PPP1CC: variants seen among roughly 807,000 people sequenced by gnomAD.
The protein encoded by PPP1CC is serine/threonine-protein phosphatase PP1-gamma catalytic subunit.
PPP1CC carries 16 observed loss-of-function variants against 38.4 expected under a neutral mutation model. That is an observed-to-expected ratio of 0.42 (90% confidence interval 0.28 to 0.63). The LOEUF is 0.63. Among genes scored for constraint, PPP1CC ranks in the 30% least tolerant of loss-of-function variants. The pLI is 0.25. For synonymous variants in PPP1CC, 158 were observed against 136.0 expected (o/e 1.16, Z -1.13); for missense variants, 170 against 391.3 (o/e 0.43, Z 4.77).
At position 110,720,100 on chromosome 12, in the gene PPP1CC, A is replaced by T. The variant is rs949389262; in HGVS notation, c.*976T>A. 33 of 1,522,294 alleles carry T rather than the reference A, an allele frequency of 2.2e-5. No homozygotes were observed. Among genetic ancestry groups the T allele is most frequent in the Non-Finnish European group, 2.8e-5 (32 of 1,133,772 alleles). The allele number at this position is 1,522,294 out of a possible 1,614,324, so 94.3% of individuals were successfully genotyped here. A position where few individuals can be genotyped will look rare whatever the true frequency, so the allele number is the denominator to read the frequency against. On this transcript the variant is annotated 3_prime_UTR_variant, in exon 7 of 7. Coordinates refer to ENST00000335007, the MANE Select transcript of PPP1CC (RefSeq NM_002710.4). ...CTTATAAGCCTCAACTTCACCGCAG[A>T]ATAAAGAATGTAGGCCAAAGAAAGC...
At position 110,731,821 on chromosome 12, in the gene PPP1CC, A is replaced by T; in HGVS notation, c.136T>A (p.Phe46Ile). Residue 46 changes from phenylalanine to isoleucine, a missense_variant, in exon 2 of 7, where the codon TTT becomes ATT. Transcript: ENST00000335007. ...TCTAGTAGGATAGGCTGACTGAGAAAGATTTCACGAGACTTTAAGCACAGT... is the reference window on the plus strand; with the variant it reads ...TCTAGTAGGATAGGCTGACTGAGAATGATTTCACGAGACTTTAAGCACAGT... ...RGLCLKSREI[F>I]LSQPILLELE... 6.2e-7 allele frequency: 1 copy of T among 1,613,666 alleles called. No individual in the cohort carries two copies. Among genetic ancestry groups the T allele is most frequent in the Non-Finnish European group, 8.5e-7 (1 of 1,179,602 alleles).
intron 6 of PPP1CC, chr12:110,721,754 A>G: frequency 3.9e-6 from 1 of 257,730 alleles, no homozygotes; most frequent in Non-Finnish European, 7.3e-6. Context: ...AGTTTTGTGG[A>G]AGTTAGACTA....
intron 3 of PPP1CC, among the ~76,000 whole-genome samples, chr12:110,729,160 T>G (rs1012394633): frequency 1.3e-5 from 2 of 151,282 alleles, no homozygotes; most frequent in African/African-American, 4.9e-5. Flanking sequence ...TTTTCTGACT[T>G]GAAACCCTTT....
the PPP1CC span, among the ~76,000 whole-genome samples, chr12:110,710,063 C>G: frequency 6.6e-6 from 1 of 151,000 alleles, no homozygotes; most frequent in Non-Finnish European, 1.5e-5. Context: ...TTAAGCACAA[C>G]TGAAGAAAAA....
rs768844199 is a variant in PPP1CC at position 110,719,738 on chromosome 12, A to G, written c.*1338T>C. 38 of 180,190 alleles carry G rather than the reference A, an allele frequency of 2.1e-4. No individual in the cohort carries two copies. The Middle Eastern group carries it at 0.01, about 48-fold the overall frequency. The allele number at this position is 180,190 out of a possible 1,614,324, so 11.2% of individuals were successfully genotyped here. A position where few individuals can be genotyped will look rare whatever the true frequency, so the allele number is the denominator to read the frequency against. ...GTCTCCAGGTTACAACTCAAAGAGTATTAGTATCTGTATTATAATCCATCT... is the reference window on the plus strand; with the variant it reads ...GTCTCCAGGTTACAACTCAAAGAGTGTTAGTATCTGTATTATAATCCATCT... On this transcript the variant is annotated 3_prime_UTR_variant, in exon 7 of 7. Coordinates refer to ENST00000335007, the MANE Select transcript of PPP1CC (RefSeq NM_002710.4).
chr12:110,712,092 A>C, the PPP1CC span, among the ~76,000 whole-genome samples: 4 of 152,230 alleles, frequency 2.6e-5, no homozygotes, highest in South Asian at 8.3e-4. Context: ...TAGATACAGA[A>C]ATACTTACCA....
At chr12:110,724,859 G>A (rs1354789304) in intron 3 of PPP1CC, 95 bp from the exon 4 acceptor site, 2 of 656,304 alleles carry the variant, frequency 3.0e-6, no homozygotes, top group African/African-American at 3.7e-5. Context: ...GCAAGATTCT[G>A]GGTGCCTTTT....
chr12:110,710,642 CAGG>C, the PPP1CC span, among the ~76,000 whole-genome samples: 1 of 144,454 alleles, frequency 6.9e-6, no homozygotes, highest in East Asian at 2.0e-4. Flanking sequence ...GGCATGAACC[CAGG>C]GGGCAGAGCT....
chr12:110,734,396 T>G (rs541165148), intron 1 of PPP1CC, among the ~76,000 whole-genome samples: 57 of 152,280 alleles, frequency 3.7e-4, no homozygotes, highest in Non-Finnish European at 7.1e-4. Context: ...CAGGCTGGAG[T>G]GCAATGGCAC....
intron 1 of PPP1CC, among the ~76,000 whole-genome samples, chr12:110,742,328 C>A (rs958964548): frequency 6.6e-6 from 1 of 152,152 alleles, no homozygotes; most frequent in Admixed American, 6.5e-5. Context: ...CTCCAAAGAC[C>A]CGTCCAGTGC....
chr12:110,728,694 G>GA (rs1593578390), intron 3 of PPP1CC, among the ~76,000 whole-genome samples: 1 of 152,154 alleles, frequency 6.6e-6, no homozygotes, highest in East Asian at 1.9e-4. Flanking sequence ...CTCTGACACA[G>GA]AATCACTGTT....
the PPP1CC span, among the ~76,000 whole-genome samples, chr12:110,712,635 CAAAAA>C: frequency 1.2e-3 from 46 of 37,658 alleles, no homozygotes; most frequent in African/African-American, 5.2e-3. Flanking sequence ...GAAACTGTCT[CAAAAA>C]AAAAAAAAAA....
intron 1 of PPP1CC, among the ~76,000 whole-genome samples, chr12:110,736,453 G>A (rs1269765902): frequency 6.6e-6 from 1 of 152,098 alleles, no homozygotes; most frequent in East Asian, 1.9e-4. Flanking sequence ...AGACTAGCCT[G>A]GGCAACATGG....
At chr12:110,740,359 G>A (rs571317943) in intron 1 of PPP1CC, among the ~76,000 whole-genome samples, 17 of 152,210 alleles carry the variant, frequency 1.1e-4, no homozygotes, top group African/African-American at 3.9e-4. Flanking sequence ...GACGAGGTGC[G>A]AGGACTGCTT....
intron 1 of PPP1CC, among the ~76,000 whole-genome samples, chr12:110,734,439 G>A (rs950959967): frequency 6.6e-6 from 1 of 152,156 alleles, no homozygotes; most frequent in African/African-American, 2.4e-5. Flanking sequence ...CGTCTCCCGG[G>A]TTCAAGCAAT....
rs574276991 is a variant in PPP1CC at position 110,722,072 on chromosome 12, A to C, written c.882+63T>G. 1 of 1,598,796 alleles carries C rather than the reference A, an allele frequency of 6.3e-7. No homozygotes were observed. The highest frequency in any genetic ancestry group is 1.1e-5 in the South Asian group (1 of 89,732). On this transcript the variant is annotated intron_variant, in intron 6 of 6. Transcript: ENST00000335007. This position sits in a 1 kb window ranked among gnomAD's most constrained non-coding sequence, Gnocchi z 5.4. ...GAACACTAGGCAAAAAGTAGCAATTATATTTTTCAATCAGCAAAGTGTAAA... is the reference window on the plus strand; with the variant it reads ...GAACACTAGGCAAAAAGTAGCAATTCTATTTTTCAATCAGCAAAGTGTAAA...
Position 110,730,773 on chromosome 12 carries a change from T to C in PPP1CC, c.188-14A>G. On this transcript the variant is annotated splice_polypyrimidine_tract_variant and intron_variant, in intron 2 of 6. Coordinates refer to ENST00000335007, the MANE Select transcript of PPP1CC (RefSeq NM_002710.4). ...CATGGATGTCACCTGGAAGCAAGAA[T>C]TTTGTTACACAGTGTTCCCATACTT... The C allele has an allele frequency of 6.4e-7, 1 of 1,565,232 alleles. No individual in the cohort carries two copies. Among genetic ancestry groups the C allele is most frequent in the South Asian group, 1.2e-5 (1 of 86,800 alleles).
chr12:110,710,314 G>A, the PPP1CC span, among the ~76,000 whole-genome samples: 1 of 151,820 alleles, frequency 6.6e-6, no homozygotes, highest in Non-Finnish European at 1.5e-5. Context: ...AGGCCAAGGT[G>A]GGCGGATCAC....
chr12:110,737,883 G>T (rs1359078513), intron 1 of PPP1CC, among the ~76,000 whole-genome samples: 1 of 152,002 alleles, frequency 6.6e-6, no homozygotes, highest in Non-Finnish European at 1.5e-5. Flanking sequence ...AGGAGTTCAG[G>T]TCTCCAGCCT....
Sources: gnomAD v4.1 joint callset for allele counts (sites outside exome capture counted in the v4.1 genomes callset) on GRCh38, gnomAD v4.1.1 for gene constraint, Gnocchi (gnomAD v3.1) non-coding constraint, MANE v1.5 for transcripts, NCBI Gene and HGNC (gene_info 2026-07-23, HGNC 2026-07-21) for gene names.